Variants in DCLK2 observed in about 807,000 individuals in gnomAD.
DCLK2 encodes the protein serine/threonine-protein kinase DCLK2.
DCLK2 carries 31 observed loss-of-function variants against 78.4 expected under a neutral mutation model. The ratio of observed to expected loss-of-function variants is 0.40; its 90% CI spans 0.30 to 0.53. The LOEUF (loss-of-function observed/expected upper bound fraction) is 0.53, where lower values mean the gene tolerates loss of function less well. DCLK2 is among the 20% of genes least tolerant of loss of function. The pLI, the probability that DCLK2 is intolerant of heterozygous loss-of-function variation, is 0.61. For missense variants in DCLK2, 872 were observed against 973.7 expected (o/e 0.90, Z 1.39); for synonymous variants, 407 against 374.9 (o/e 1.09, Z -0.99).
chr4:150,175,145 T>TATTTGTATATA (rs1736945250), intron 2 of DCLK2, among the ~76,000 whole-genome samples: 1 of 67,756 alleles, frequency 1.5e-5, no homozygotes, highest in African/African-American at 7.9e-5. Flanking sequence ...TTTATGTATA[T>TATTTGTATATA]TTTATATATA....
chr4:150,079,311 G>C lies in DCLK2; in HGVS notation c.284G>C (p.Arg95Pro). Residue 95 changes from arginine to proline, a missense_variant, in exon 1 of 16, where the codon CGC (arginine) becomes CCC (proline). Arg to Pro is a moderately radical substitution (Grantham distance 103, BLOSUM62 -2). Coordinates refer to ENST00000296550, the MANE Select transcript of DCLK2 (RefSeq NM_001040260.4). ...CTGGTGTTTGCCATCTCCAGCGACCGCTTCCGGTCCTTCGATGCGCTCCTC... is the reference window on the plus strand; with the variant it reads ...CTGGTGTTTGCCATCTCCAGCGACCCCTTCCGGTCCTTCGATGCGCTCCTC... The part of the protein sequence containing the change: ...KGLVFAISSD[R>P]FRSFDALLIE... 1.3e-6 allele frequency: 2 copies of C among 1,593,914 alleles called. No homozygotes were observed. The highest frequency in any genetic ancestry group is 1.7e-6 in the Non-Finnish European group (2 of 1,170,498).
intron 13 of DCLK2, among the ~76,000 whole-genome samples, chr4:150,248,082 T>A (rs568042073): frequency 2.4e-4 from 36 of 152,278 alleles, no homozygotes; most frequent in African/African-American, 8.7e-4. Flanking sequence ...AACTCTTAGG[T>A]GAAAACATCT....
At chr4:150,202,496 A>G (rs1739532006) in intron 4 of DCLK2, among the ~76,000 whole-genome samples, 1 of 152,336 alleles carries the variant, frequency 6.6e-6, no homozygotes, top group African/African-American at 2.4e-5. Context: ...AAACGCAGAT[A>G]TTCCTGTTTA....
At chr4:150,170,139 T>A (rs997663720) in intron 2 of DCLK2, among the ~76,000 whole-genome samples, 2 of 152,206 alleles carry the variant, frequency 1.3e-5, no homozygotes, top group African/African-American at 2.4e-5. Flanking sequence ...CTGCAACTTC[T>A]ACCACCTGGG....
chr4:150,190,151 C>T (rs566160961), intron 2 of DCLK2, among the ~76,000 whole-genome samples: 5 of 150,684 alleles, frequency 3.3e-5, no homozygotes, highest in African/African-American at 4.9e-5. Flanking sequence ...CACAGTGAGC[C>T]GTGATCATGC....
At chr4:150,165,379 G>T (rs1362994294) in intron 2 of DCLK2, among the ~76,000 whole-genome samples, 1 of 151,960 alleles carries the variant, frequency 6.6e-6, no homozygotes, top group Non-Finnish European at 1.5e-5. Context: ...ACTGCTGATT[G>T]GGTTGCCCAG....
At chr4:150,108,665 T>C (rs1397276526) in intron 2 of DCLK2, among the ~76,000 whole-genome samples, 1 of 152,180 alleles carries the variant, frequency 6.6e-6, no homozygotes, top group Non-Finnish European at 1.5e-5. Flanking sequence ...GACATTCTCA[T>C]AATAAAATAC....
At chr4:150,144,633 C>G (rs1734334193) in intron 2 of DCLK2, among the ~76,000 whole-genome samples, 1 of 152,156 alleles carries the variant, frequency 6.6e-6, no homozygotes, top group East Asian at 1.9e-4. Flanking sequence ...GTTGCCCAGG[C>G]TGGAGTGCAG....
chr4:150,178,485 A>G (rs2150276974), intron 2 of DCLK2, among the ~76,000 whole-genome samples: 1 of 152,016 alleles, frequency 6.6e-6, no homozygotes. Context: ...GATTTCTTCG[A>G]CCGTAGATGT....
chr4:150,081,168 T>TA (rs1186350407), intron 1 of DCLK2, among the ~76,000 whole-genome samples: 1 of 152,190 alleles, frequency 6.6e-6, no homozygotes, highest in Non-Finnish European at 1.5e-5. Flanking sequence ...TATGGTTTCT[T>TA]AAGAGTCAAC....
intron 7 of DCLK2, among the ~76,000 whole-genome samples, chr4:150,224,135 ATATT>A (rs1264649557): frequency 2.0e-5 from 3 of 152,184 alleles, no homozygotes; most frequent in Non-Finnish European, 4.4e-5. Flanking sequence ...TTATGAAAGA[ATATT>A]TAATTAACAT....
At chr4:150,203,972 T>C in intron 5 of DCLK2, 83 bp downstream of exon 5, 1 of 1,259,956 alleles carries the variant, frequency 7.9e-7, no homozygotes, top group Non-Finnish European at 1.1e-6. Flanking sequence ...GTTTGGGGGC[T>C]TGAGTACAGT....
intron 2 of DCLK2, among the ~76,000 whole-genome samples, chr4:150,174,779 C>G (rs980928252): frequency 2.0e-5 from 3 of 150,602 alleles, no homozygotes; most frequent in Non-Finnish European, 3.0e-5. Flanking sequence ...GGTGGATCAC[C>G]TGAGGTCAGG....
At chr4:150,198,638 A>T (rs764896256) in intron 4 of DCLK2, among the ~76,000 whole-genome samples, 1 of 152,174 alleles carries the variant, frequency 6.6e-6, no homozygotes, top group Non-Finnish European at 1.5e-5. Context: ...TAAGCCTATA[A>T]ATTTGTCATA....
chr4:150,127,158 C>T (rs886510302), intron 2 of DCLK2, among the ~76,000 whole-genome samples: 6 of 152,142 alleles, frequency 3.9e-5, no homozygotes, highest in African/African-American at 1.4e-4. Flanking sequence ...CAAGTGCCTT[C>T]TAGGTTTCTC....
chr4:150,137,863 A>G (rs1394087499), intron 2 of DCLK2, among the ~76,000 whole-genome samples: 2 of 152,202 alleles, frequency 1.3e-5, no homozygotes, highest in East Asian at 1.9e-4. Context: ...TTAAAATCCC[A>G]CTCCATAACT....
At chr4:150,081,057 G>A (rs1729230678) in intron 1 of DCLK2, among the ~76,000 whole-genome samples, 1 of 152,200 alleles carries the variant, frequency 6.6e-6, no homozygotes, top group Non-Finnish European at 1.5e-5. Context: ...AGAGTAACCA[G>A]TTGTTTGACT....
At chr4:150,152,945 GT>G (rs1427274164) in intron 2 of DCLK2, among the ~76,000 whole-genome samples, 10 of 152,186 alleles carry the variant, frequency 6.6e-5, no homozygotes, top group African/African-American at 2.4e-4. Context: ...GCTTTAAGAT[GT>G]TAAACAAAAT....
intron 2 of DCLK2, among the ~76,000 whole-genome samples, chr4:150,144,157 A>G (rs968486004): frequency 1.3e-5 from 2 of 152,212 alleles, no homozygotes; most frequent in Non-Finnish European, 2.9e-5. Context: ...AGTCAAGCCT[A>G]GGCCAATGTC....
Sources: allele counts gnomAD v4.1 joint callset (sites outside exome capture counted in the v4.1 genomes callset), GRCh38; gene constraint gnomAD v4.1.1; transcripts MANE v1.5; gene names NCBI Gene and HGNC (gene_info 2026-07-23, HGNC 2026-07-21).